CUX1: variants seen among roughly 807,000 people sequenced by gnomAD.
CUX1 encodes protein CASP.
CUX1 carries 31 observed loss-of-function variants against 158.8 expected under a neutral mutation model. That is an observed-to-expected ratio of 0.20 (90% confidence interval 0.15 to 0.26). The LOEUF is 0.26. Among genes scored for constraint, CUX1 ranks in the 10% least tolerant of loss-of-function variants. The pLI, the probability that CUX1 is intolerant of heterozygous loss-of-function variation, is 1.00. For synonymous variants in CUX1, 879 were observed against 862.1 expected (o/e 1.02, Z -0.34); for missense variants, 1,589 against 2,014.6 (o/e 0.79, Z 4.04).
intron 1 of CUX1, among the ~76,000 whole-genome samples, chr7:101,891,247 C>G (rs1214952314): frequency 6.6e-6 from 1 of 152,100 alleles, no homozygotes; most frequent in Non-Finnish European, 1.5e-5. Context: ...CAGACAGGGT[C>G]TTGCTCTTCT....
intron 3 of CUX1, among the ~76,000 whole-genome samples, chr7:102,063,952 C>T (rs1355260265): frequency 6.6e-6 from 1 of 152,162 alleles, no homozygotes; most frequent in Non-Finnish European, 1.5e-5. Context: ...GTGGGAGGGG[C>T]CGCGGCTGGG....
intron 4 of CUX1, among the ~76,000 whole-genome samples, chr7:102,082,510 C>T (rs1827535616): frequency 6.8e-6 from 1 of 147,310 alleles, no homozygotes; most frequent in African/African-American, 2.4e-5. Context: ...CAGAGCGAGA[C>T]TGTCTAAAAA....
At chr7:101,819,522 CT>C (rs946187223) in intron 1 of CUX1, among the ~76,000 whole-genome samples, 18 of 152,222 alleles carry the variant, frequency 1.2e-4, no homozygotes, top group African/African-American at 4.3e-4. Flanking sequence ...TTTCTGATGG[CT>C]TTTTTTCCCC....
chr7:101,932,321 G>A (rs1806381985), intron 2 of CUX1: 1 of 262,976 alleles, frequency 3.8e-6, no homozygotes, highest in South Asian at 4.0e-5. Context: ...ATTTCCCTGG[G>A]GTCAGGTGTG....
intron 1 of CUX1, among the ~76,000 whole-genome samples, chr7:101,870,984 C>T (rs1229998832): frequency 1.3e-5 from 2 of 152,236 alleles, no homozygotes; most frequent in Admixed American, 6.5e-5. Context: ...ATGGACCTAG[C>T]CACCAGGGGC....
chr7:101,820,651 C>T (rs1484604815), intron 1 of CUX1, among the ~76,000 whole-genome samples: 2 of 152,222 alleles, frequency 1.3e-5, no homozygotes, highest in African/African-American at 4.8e-5. Flanking sequence ...CCCGCGTTAT[C>T]GCTGCAGAGA....
chr7:102,058,641 C>T (rs10261132), intron 3 of CUX1, among the ~76,000 whole-genome samples: 22,077 of 152,014 alleles, frequency 0.15, 1,682 homozygotes, highest in Middle Eastern at 0.22. Context: ...GAGGTATACC[C>T]GTATATTGAT....
chr7:102,158,654 C>T, intron 9 of CUX1, 46 bp downstream of exon 9: 2 of 1,585,232 alleles, frequency 1.3e-6, no homozygotes, highest in Admixed American at 1.7e-5. Flanking sequence ...AATAGCGGGC[C>T]CGTTTCTGGC....
chr7:102,022,349 A>G (rs1381050523), intron 2 of CUX1, among the ~76,000 whole-genome samples: 1 of 152,132 alleles, frequency 6.6e-6, no homozygotes, highest in Non-Finnish European at 1.5e-5. Flanking sequence ...CAGACACAGT[A>G]GCACACGCCT....
rs569627155 is a variant in CUX1, at chr7:101,893,822, A to C, written c.31-22293A>C. The stretch of plus-strand genomic sequence containing the variant: ...ATTTCTATGTAGATAATTTGCCATA[A>C]AAATTTATATTGCAGTCCTTAAAAC... On this transcript the variant is annotated intron_variant, in intron 1 of 23. Transcript: ENST00000292535. Among the ~76,000 whole-genome samples, 6 of 152,340 alleles carry C rather than the reference A, an allele frequency of 3.9e-5. No individual in the cohort carries two copies. In the South Asian group the frequency reaches 8.3e-4, roughly 21 times the overall value.
chr7:102,081,202 A>G (rs782319771), intron 4 of CUX1, among the ~76,000 whole-genome samples: 1 of 151,874 alleles, frequency 6.6e-6, no homozygotes, highest in Non-Finnish European at 1.5e-5. Flanking sequence ...TTTCCTTTTC[A>G]TTTGCATTCC....
Position 101,913,347 on chromosome 7 carries a change from C to T in CUX1, c.31-2768C>T, listed in dbSNP as rs529809256. The stretch of plus-strand genomic sequence containing the variant: ...GCCGACCTGCATATGTCTGCGGGCA[C>T]GGGGAAGGGAGGGCCGCAGACCCCC... On this transcript the variant is annotated intron_variant, in intron 1 of 23. Transcript: ENST00000292535. 140 of 1,262,194 alleles carry T rather than the reference C, an allele frequency of 1.1e-4. 1 individual carries two copies. The highest frequency in any genetic ancestry group is 1.0e-3 in the African/African-American group (67 of 65,046). The allele number at this position is 1,262,194 out of a possible 1,614,324, so 78.2% of individuals were successfully genotyped here.
intron 8 of CUX1, among the ~76,000 whole-genome samples, chr7:102,122,290 C>G (rs1317765077): frequency 6.6e-6 from 1 of 152,064 alleles, no homozygotes; most frequent in African/African-American, 2.4e-5. Flanking sequence ...GAAGCAGCCA[C>G]TTTTATGGTT....
At chr7:102,173,845 G>T (rs545926620) in intron 10 of CUX1, among the ~76,000 whole-genome samples, 2 of 152,130 alleles carry the variant, frequency 1.3e-5, no homozygotes, top group African/African-American at 4.8e-5. Flanking sequence ...CAGCCCCGTG[G>T]GGCTCCCCGC....
intron 3 of CUX1, among the ~76,000 whole-genome samples, chr7:102,061,873 T>C (rs1465124038): frequency 6.6e-6 from 1 of 152,334 alleles, no homozygotes; most frequent in East Asian, 1.9e-4. Context: ...CTTAGAGATA[T>C]GGCCAACTCG....
At chr7:101,888,218 C>G (rs998977746) in intron 1 of CUX1, among the ~76,000 whole-genome samples, 5 of 152,100 alleles carry the variant, frequency 3.3e-5, no homozygotes, top group South Asian at 2.1e-4. Context: ...GTAATTCCAG[C>G]TACTCGGGAG....
intron 1 of CUX1, among the ~76,000 whole-genome samples, chr7:101,914,121 A>T (rs1803848505): frequency 6.6e-6 from 1 of 150,380 alleles, no homozygotes; most frequent in African/African-American, 2.5e-5. Flanking sequence ...CAAAATGTTC[A>T]GTGTTTCCCT....
chr7:101,991,529 G>A lies in CUX1; in HGVS notation c.142-36569G>A, dbSNP rs568392734. Among the ~76,000 whole-genome samples the A allele has an allele frequency of 6.6e-5, 10 of 152,212 alleles. No individual in the cohort carries two copies. In the South Asian group the frequency reaches 8.3e-4, roughly 13 times the overall value. ...ATCACAGCACTTTGGGTGACCGAGG[G>A]GGGTGGATCACTTGAGGTCAGGAGT... On this transcript the variant is annotated intron_variant, in intron 2 of 23. Transcript: ENST00000292535.
rs542264782 is a variant in CUX1, at chr7:102,008,632, C to T, written c.142-19466C>T. 3.3e-5 allele frequency among the ~76,000 whole-genome samples: 5 copies of T among 152,236 alleles called. No homozygotes were observed. In the East Asian group the frequency reaches 7.7e-4, roughly 24 times the overall value. On this transcript the variant is annotated intron_variant, in intron 2 of 23. Transcript: ENST00000292535. ...GCCCCCAACCAAAAGAGCCTAAGAA[C>T]CCCAGGTCCCCAGCCTGTCCTGCTC... is the stretch of plus-strand genomic sequence containing the variant.
Sources: allele counts gnomAD v4.1 joint callset (sites outside exome capture counted in the v4.1 genomes callset), GRCh38; gene constraint gnomAD v4.1.1; transcripts MANE v1.5; gene names NCBI Gene and HGNC (gene_info 2026-07-23, HGNC 2026-07-21).